The following NCOA6 variants were observed in gnomAD, a reference collection of about 807,000 sequenced individuals.
NCOA6 encodes nuclear receptor coactivator 6.
Under a neutral mutation model 171.4 loss-of-function variants are expected in NCOA6, and 49 were observed. That is an observed-to-expected ratio of 0.29 (90% CI 0.23 to 0.36). The LOEUF is 0.36. NCOA6 is among the 10% of genes least tolerant of loss of function. The pLI, the probability that NCOA6 is intolerant of heterozygous loss-of-function variation, is 1.00. For missense variants in NCOA6, 2,248 were observed against 2,554.5 expected (o/e 0.88, Z 2.59); for synonymous variants, 910 against 927.5 (o/e 0.98, Z 0.34).
chr20:34,729,465 A>G (rs1234285981), intron 13 of NCOA6, among the ~76,000 whole-genome samples: 1 of 152,172 alleles, frequency 6.6e-6, no homozygotes, highest in African/African-American at 2.4e-5. Flanking sequence ...CGCATGTTAA[A>G]ATGATCAGAA....
At chr20:34,771,852 G>A (rs751187508) in intron 4 of NCOA6, among the ~76,000 whole-genome samples, 3 of 152,144 alleles carry the variant, frequency 2.0e-5, no homozygotes, top group Non-Finnish European at 2.9e-5. Flanking sequence ...TCCAAGGTTA[G>A]GTAACTTTTA....
At chr20:34,767,109 C>G (rs2077003496) in intron 5 of NCOA6, among the ~76,000 whole-genome samples, 1 of 152,140 alleles carries the variant, frequency 6.6e-6, no homozygotes, top group South Asian at 2.1e-4. Flanking sequence ...CTACACTGCT[C>G]AGGGCTCTTC....
At chr20:34,793,026 A>G (rs1601055936) in intron 1 of NCOA6, among the ~76,000 whole-genome samples, 1 of 151,754 alleles carries the variant, frequency 6.6e-6, no homozygotes, top group Non-Finnish European at 1.5e-5. Flanking sequence ...CAAGCGATCC[A>G]CCCGCCTGAG....
rs530657461 is a variant in NCOA6 at position 34,812,846 on chromosome 20, C to T, written c.-164+12626G>A. Among the ~76,000 whole-genome samples the T allele has an allele frequency of 2.6e-5, 4 of 152,002 alleles. No individual in the cohort carries two copies. The East Asian group carries it at 7.8e-4, about 30-fold the overall frequency. Reference sequence around the variant, plus strand: ...CCCTGGGCAACATAGGGAGACCCCACTTCTACAAAAAAAATTTAAAAATTA... The same window carrying T: ...CCCTGGGCAACATAGGGAGACCCCATTTCTACAAAAAAAATTTAAAAATTA... On this transcript the variant is annotated intron_variant, in intron 1 of 14. Coordinates refer to ENST00000359003, the MANE Select transcript of NCOA6 (RefSeq NM_014071.5).
At chr20:34,793,698 C>G (rs1017339075) in intron 1 of NCOA6, among the ~76,000 whole-genome samples, 19 of 151,220 alleles carry the variant, frequency 1.3e-4, no homozygotes, top group Non-Finnish European at 2.5e-4. Flanking sequence ...TTCTGCAAAG[C>G]AAAAAACATT....
In NCOA6 at chr20:34,749,450, C is replaced by A; in HGVS notation, c.2745G>T (p.Lys915Asn). 1 of 1,613,088 alleles carries A rather than the reference C, an allele frequency of 6.2e-7. No individual in the cohort carries two copies. Among genetic ancestry groups the A allele is most frequent in the Non-Finnish European group, 8.5e-7 (1 of 1,179,450 alleles). The change falls in exon 9 of 15, where the codon AAG becomes AAT. Residue 915 changes from lysine (K) to asparagine (N), a missense_variant. Physicochemically the swap from Lys to Asn is moderately conservative, Grantham distance 94 (BLOSUM62 0). Transcript: ENST00000359003. ...KQNNTNANKP[K>N]KKKPPRKKKN... ...TCTTCTTCCGAGGGGGTTTCTTCTT[C>A]TTCGGTTTATTTGCGTTGGTATTAT...
chr20:34,773,690 A>G (rs1258776892), intron 4 of NCOA6, among the ~76,000 whole-genome samples: 1 of 152,122 alleles, frequency 6.6e-6, no homozygotes, highest in Admixed American at 6.5e-5. Flanking sequence ...TGCTCGGCTA[A>G]TTTTTATATT....
At chr20:34,772,987 A>G (rs1447787773) in intron 4 of NCOA6, among the ~76,000 whole-genome samples, 1 of 152,184 alleles carries the variant, frequency 6.6e-6, no homozygotes, top group Admixed American at 6.5e-5. Context: ...CCAACTGCAT[A>G]TATGCTAATT....
chr20:34,721,395 TC>T (rs746395329), intron 14 of NCOA6, among the ~76,000 whole-genome samples: 1 of 152,068 alleles, frequency 6.6e-6, no homozygotes, highest in Non-Finnish European at 1.5e-5. Flanking sequence ...TTGGGATCCA[TC>T]CAGACCTTGC....
In NCOA6 at chr20:34,782,151, A is replaced by G. The variant is rs2146200635; in HGVS notation, c.205T>C (p.Leu69=). The G allele has an allele frequency of 6.2e-7, 1 of 1,605,804 alleles. No homozygotes were observed. Among genetic ancestry groups the G allele is most frequent in the Non-Finnish European group, 8.5e-7 (1 of 1,175,932 alleles). The change falls in exon 3 of 15, where the codon TTG becomes CTG. Residue 69 remains leucine, a synonymous_variant. Transcript: ENST00000359003. ...TGTAACAAATTGGGCACGTTTTTCAATATTGCATCTAATTTCCATTTGAAG... is the reference window on the plus strand; with the variant it reads ...TGTAACAAATTGGGCACGTTTTTCAGTATTGCATCTAATTTCCATTTGAAG... ...KDFKWKLDAI[L]KNVPNLLHME...
At chr20:34,784,239 T>G (rs1330870244) in intron 2 of NCOA6, among the ~76,000 whole-genome samples, 1 of 152,054 alleles carries the variant, frequency 6.6e-6, no homozygotes, top group Non-Finnish European at 1.5e-5. Context: ...TTTTTTTAAT[T>G]TATTTTTTTG....
intron 2 of NCOA6, among the ~76,000 whole-genome samples, chr20:34,785,082 A>T (rs1431969965): frequency 6.6e-6 from 1 of 152,176 alleles, no homozygotes; most frequent in Non-Finnish European, 1.5e-5. Flanking sequence ...ACTTCATCTC[A>T]AAAATAAATA....
At position 34,808,969 on chromosome 20, in the gene NCOA6, T is replaced by C. The variant is rs930745630; in HGVS notation, c.-163-16406A>G. Among the ~76,000 whole-genome samples, 8 of 152,240 alleles carry C rather than the reference T, an allele frequency of 5.3e-5. No individual in the cohort carries two copies. The East Asian group carries it at 1.3e-3, about 26-fold the overall frequency. ...TCAAGATGACAGAGAGAGAGGCAGC[T>C]GAATGAAACTAACTATATACACCTG... On this transcript the variant is annotated intron_variant, in intron 1 of 14. Transcript: ENST00000359003.
intron 8 of NCOA6, among the ~76,000 whole-genome samples, chr20:34,751,376 C>CAAAAAAAAAAAAAAAAAAAAAAAAA (rs35848122): frequency 1.2e-3 from 81 of 68,208 alleles, no homozygotes; most frequent in East Asian, 3.6e-3. Context: ...GACTCCGTCT[C>CAAAAAAAAAAAAAAAAAAAAAAAAA]AAAAAAAAAA....
chr20:34,748,408 G>C (rs2076369335), intron 9 of NCOA6, among the ~76,000 whole-genome samples: 2 of 152,130 alleles, frequency 1.3e-5, no homozygotes, highest in Admixed American at 6.5e-5. Flanking sequence ...GGGAAGGCTG[G>C]GATAAAGGTA....
intron 9 of NCOA6, among the ~76,000 whole-genome samples, chr20:34,747,895 G>A (rs2145672717): frequency 6.6e-6 from 1 of 152,294 alleles, no homozygotes; most frequent in South Asian, 2.1e-4. Flanking sequence ...GTAGAGATAA[G>A]AAATCTCAGA....
At chr20:34,744,994 G>C (rs1006940254) in intron 10 of NCOA6, among the ~76,000 whole-genome samples, 2 of 152,200 alleles carry the variant, frequency 1.3e-5, no homozygotes, top group Non-Finnish European at 2.9e-5. Flanking sequence ...CCAGAAGCTG[G>C]AGGCAGCAGT....
chr20:34,754,969 G>A (rs1483714620), intron 7 of NCOA6, 101 bp from the exon 8 acceptor site: 2 of 1,200,084 alleles, frequency 1.7e-6, no homozygotes, highest in Admixed American at 2.3e-5. Flanking sequence ...AGTCTCCACT[G>A]GCTTAGCTCT....
chr20:34,742,672 T>C lies in NCOA6; in HGVS notation c.3584A>G (p.His1195Arg), dbSNP rs926684498. 4 of 1,614,120 alleles carry C rather than the reference T, an allele frequency of 2.5e-6. No homozygotes were observed. Among genetic ancestry groups the C allele is most frequent in the Non-Finnish European group, 1.7e-6 (2 of 1,180,018 alleles). Residue 1195 changes from histidine (H) to arginine (R), a missense_variant, in exon 11 of 15, where the codon CAC (histidine) becomes CGC (arginine). His to Arg is a conservative substitution (Grantham distance 29, BLOSUM62 0). Around this residue, in one of 7 missense-constraint regions of NCOA6, gnomAD observed 352 missense variants for 419.1 expected, o/e 0.84. Transcript: ENST00000359003. ...PVNSLPSSHG[H>R]HFPNVAAPTQ... ...TGGCGCAGCCACATTTGGGAAGTGG[T>C]GGCCGTGAGAGCTGGGCAGGGAATT... is the stretch of plus-strand genomic sequence containing the variant.
Sources: gnomAD v4.1 joint callset for allele counts (sites outside exome capture counted in the v4.1 genomes callset) on GRCh38, gnomAD v4.1.1 for gene constraint, gnomAD v4.1.1 regional missense constraint, MANE v1.5 for transcripts, NCBI Gene and HGNC (gene_info 2026-07-23, HGNC 2026-07-21) for gene names.